Variants in BCDIN3D observed in about 807,000 individuals in gnomAD.
BCDIN3D encodes RNA 5'-monophosphate methyltransferase.
BCDIN3D carries 15 observed loss-of-function variants against 21.2 expected under a neutral mutation model. The ratio of observed to expected loss-of-function variants is 0.71; its 90% CI spans 0.47 to 1.09. The LOEUF is 1.09. Among genes scored for constraint, BCDIN3D ranks in the 50% least tolerant of loss-of-function variants. BCDIN3D has a pLI of 0.00. For missense variants in BCDIN3D, 331 were observed against 366.2 expected, an observed-to-expected ratio of 0.90 and a Z score of 0.79; for synonymous variants, 127 against 141.9, an observed-to-expected ratio of 0.90 and a Z score of 0.75.
At position 49,837,273 on chromosome 12, in the gene BCDIN3D, G is replaced by GTTTTTTTT. The variant is rs1465846977; in HGVS notation, c.*1090_*1097dup. On this transcript the variant is annotated 3_prime_UTR_variant, in exon 2 of 2. Transcript: ENST00000333924. ...GGGGACCATAAGCATGTAGGTAGTT[G>GTTTTTTTT]TTTTTTTTTTTGTTTTTTTTTTTTT... 95 of 122,758 alleles carry GTTTTTTTT rather than the reference G, an allele frequency of 7.7e-4. 3 individuals are homozygous for GTTTTTTTT. The highest frequency in any genetic ancestry group is 2.7e-3 in the African/African-American group (88 of 32,904). The allele number at this position is 122,758 out of a possible 1,614,324, so 7.6% of individuals were successfully genotyped here.
Position 49,842,899 on chromosome 12 carries a change from G to C in BCDIN3D, c.189C>G (p.Pro63=). The part of the protein sequence containing the change: ...ELLRQLFPES[P]ENGPILGLDV... ...CGAGCCCCAGAATCGGCCCGTTCTC[G>C]GGACTCTCAGGAAAGAGCTGTCGAA... The change falls in exon 1 of 2, where the codon CCC becomes CCG. Residue 63 remains proline, a synonymous_variant. Transcript: ENST00000333924. 6.2e-7 allele frequency: 1 copy of C among 1,613,244 alleles called. No homozygotes were observed. The highest frequency in any genetic ancestry group is 1.1e-5 in the South Asian group (1 of 91,028).
At chr12:49,839,130 G>A (rs553237402) in intron 1 of BCDIN3D, 115 bp from the exon 2 acceptor site, 2 of 1,259,808 alleles carry the variant, frequency 1.6e-6, no homozygotes, top group Non-Finnish European at 2.2e-6. Flanking sequence ...TAGGATGTGA[G>A]GTTCCTAAAC....
At chr12:49,839,826 T>TA (rs1280472564) in intron 1 of BCDIN3D, 1 of 152,310 alleles carries the variant, frequency 6.6e-6, no homozygotes, top group Non-Finnish European at 1.5e-5. Context: ...TAGCTGGGAT[T>TA]ACAGGCATGC....
chr12:49,842,675 T>C (rs1282200767), intron 1 of BCDIN3D, 179 bp downstream of exon 1: 1 of 619,642 alleles, frequency 1.6e-6, no homozygotes, highest in Non-Finnish European at 2.8e-6. Flanking sequence ...GAGAGATTCC[T>C]AAGACAGATG....
chr12:49,842,397 T>C (rs1223206425), intron 1 of BCDIN3D: 1 of 153,702 alleles, frequency 6.5e-6, no homozygotes, highest in Non-Finnish European at 1.4e-5. Flanking sequence ...TTTTTTGAAA[T>C]AAACATGCAG....
Position 49,838,883 on chromosome 12 carries a change from A to G in BCDIN3D, c.367T>C (p.Cys123Arg). The G allele has an allele frequency of 6.2e-7, 1 of 1,614,226 alleles. No individual in the cohort carries two copies. The highest frequency in any genetic ancestry group is 8.5e-7 in the Non-Finnish European group (1 of 1,180,034). The stretch of plus-strand genomic sequence containing the variant: ...AAAGTCAAGGCATCAGGAAAAGGAC[A>G]TTCTTTTTCGGCTCGCTTCACCAGG... ...PVLVKRAEKE[C>R]PFPDALTFIT... is the part of the protein sequence containing the mutation. The change falls in exon 2 of 2, where the codon TGT becomes CGT. Residue 123 changes from cysteine to arginine, a missense_variant. By Grantham distance (180) the Cys-to-Arg change is radical (BLOSUM62 -3). Coordinates refer to ENST00000333924, the MANE Select transcript of BCDIN3D (RefSeq NM_181708.3).
Position 49,838,625 on chromosome 12 carries a change from G to C in BCDIN3D, c.625C>G (p.Arg209Gly). The stretch of plus-strand genomic sequence containing the variant: ...TCATGGAGTCCCAGCTTTCGGAGAC[G>C]CCTTGCAGCTGCCCGGTAACACTTC... Reference protein sequence around the residue: ...PWKCYRAAARRLRKLGLHDFD... With the variant: ...PWKCYRAAARGLRKLGLHDFD... The change falls in exon 2 of 2, where the codon CGT (arginine) becomes GGT (glycine). Residue 209 changes from arginine to glycine, a missense_variant. Transcript: ENST00000333924. 6.2e-7 allele frequency: 1 copy of C among 1,613,856 alleles called. No individual in the cohort carries two copies. Among genetic ancestry groups the C allele is most frequent in the Non-Finnish European group, 8.5e-7 (1 of 1,179,756 alleles).
In BCDIN3D at chr12:49,836,326, A is replaced by C. The variant is rs550089899; in HGVS notation, c.*2045T>G. ...AGGGTATATTCTGATCATCCAGATT[A>C]ATCTCCCTATCTGAAGATCCTCAAT... On this transcript the variant is annotated 3_prime_UTR_variant, in exon 2 of 2. Transcript: ENST00000333924. 6.6e-6 allele frequency: 1 copy of C among 152,164 alleles called. No homozygotes were observed. Among genetic ancestry groups the C allele is most frequent in the Non-Finnish European group, 1.5e-5 (1 of 68,036 alleles). 9.4% of individuals were successfully genotyped at this position (152,164 alleles called of 1,614,324 possible). A position where few individuals can be genotyped will look rare whatever the true frequency, so the allele number is the denominator to read the frequency against.
At chr12:49,842,320 C>G (rs1287166456) in intron 1 of BCDIN3D, 2 of 152,706 alleles carry the variant, frequency 1.3e-5, no homozygotes, top group African/African-American at 4.8e-5. Context: ...ACCTTGTGAT[C>G]CACCCGCCTC....
chr12:49,837,240 A>ATG lies in BCDIN3D; in HGVS notation c.*1130_*1131insCA, dbSNP rs1158193221. ...TGGAACTGTGGATGTCGGGCTACCA[A>ATG]TATATTTGGGGACCATAAGCATGTA... is the stretch of plus-strand genomic sequence containing the variant. On this transcript the variant is annotated 3_prime_UTR_variant, in exon 2 of 2. Transcript: ENST00000333924. 3 of 150,112 alleles carry ATG rather than the reference A, an allele frequency of 2.0e-5. No homozygotes were observed. The highest frequency in any genetic ancestry group is 4.4e-5 in the Non-Finnish European group (3 of 67,646). The allele number at this position is 150,112 out of a possible 1,614,324, so 9.3% of individuals were successfully genotyped here.
Position 49,842,845 on chromosome 12 carries a change from G to A in BCDIN3D, c.234+9C>T. ...CTCCGGATGCTCCAATCCCTCCCCT[G>A]TCACTCACCCCGGAGTTACACCCCA... On this transcript the variant is annotated intron_variant, in intron 1 of 1. Coordinates refer to ENST00000333924, the MANE Select transcript of BCDIN3D (RefSeq NM_181708.3). 1 of 1,585,074 alleles carries A rather than the reference G, an allele frequency of 6.3e-7. No homozygotes were observed. Among genetic ancestry groups the A allele is most frequent in the East Asian group, 2.2e-5 (1 of 44,644 alleles).
At position 49,843,025 on chromosome 12, in the gene BCDIN3D, C is replaced by T. The variant is rs747775117; in HGVS notation, c.63G>A (p.Ser21=). The change falls in exon 1 of 2, where the codon TCG becomes TCA. Residue 21 remains serine (S), a synonymous_variant. Coordinates refer to ENST00000333924, the MANE Select transcript of BCDIN3D (RefSeq NM_181708.3). ...SVKETAAEEE[S]RVLAPGAAPF... is the part of the protein sequence containing the mutation. ...GGGCGGCGCCAGGTGCCAGAACTCG[C>T]GATTCCTCTTCCGCTGCGGTCTCCT... 6.2e-7 allele frequency: 1 copy of T among 1,614,218 alleles called. No homozygotes were observed. Among genetic ancestry groups the T allele is most frequent in the Admixed American group, 1.7e-5 (1 of 60,026 alleles).
rs1385469928 is a variant in BCDIN3D at position 49,838,392 on chromosome 12, T to A, written c.858A>T (p.Arg286Ser). Residue 286 changes from arginine to serine, a missense_variant, in exon 2 of 2, where the codon AGA (arginine) becomes AGT (serine). Physicochemically the swap from Arg to Ser is moderately radical, Grantham distance 110. Coordinates refer to ENST00000333924, the MANE Select transcript of BCDIN3D (RefSeq NM_181708.3). ...CATCTCACTGCTTCTGGAAACTTAA[T>A]CTGTTCTTTTCTTTCCCTTTTTCTA... ...SLIEKGKEKNRLSFQKQ is the reference protein window; with the variant it reads ...SLIEKGKEKNSLSFQKQ The A allele has an allele frequency of 8.1e-6, 13 of 1,605,778 alleles. No homozygotes were observed. The highest frequency in any genetic ancestry group is 1.0e-5 in the Non-Finnish European group (12 of 1,179,656).
chr12:49,838,504 C>T lies in BCDIN3D; in HGVS notation c.746G>A (p.Cys249Tyr). ...TQDHGMELICCFGNTSWDRSL... is the reference protein window; with the variant it reads ...TQDHGMELICYFGNTSWDRSL... ...TCTGTCCCAACTGGTGTTGCCAAAG[C>T]AACATATTAATTCCATGCCATGATC... Residue 249 changes from cysteine (C) to tyrosine (Y), a missense_variant, in exon 2 of 2, where the codon TGC becomes TAC. Cys to Tyr is a radical substitution (Grantham distance 194). Transcript: ENST00000333924. The T allele has an allele frequency of 1.2e-6, 2 of 1,614,118 alleles. No individual in the cohort carries two copies. The highest frequency in any genetic ancestry group is 1.7e-6 in the Non-Finnish European group (2 of 1,180,026).
rs1228678920 is a variant in BCDIN3D at position 49,838,724 on chromosome 12, C to T, written c.526G>A (p.Asp176Asn). The T allele has an allele frequency of 1.2e-6, 2 of 1,614,178 alleles. No homozygotes were observed. Among genetic ancestry groups the T allele is most frequent in the East Asian group, 2.2e-5 (1 of 44,884 alleles). ...ITMWIHLNHGDHGLWEFLAHL... is the reference protein window; with the variant it reads ...ITMWIHLNHGNHGLWEFLAHL... ...GCCAGGAACTCCCATAGGCCATGGT[C>T]TCCATGATTCAGATGAATCCACATG... Residue 176 changes from aspartate (D) to asparagine (N), a missense_variant, in exon 2 of 2, where the codon GAC (aspartate) becomes AAC (asparagine). Coordinates refer to ENST00000333924, the MANE Select transcript of BCDIN3D (RefSeq NM_181708.3).
chr12:49,838,213 A>G lies in BCDIN3D; in HGVS notation c.*158T>C, dbSNP rs1397605574. 3 of 691,972 alleles carry G rather than the reference A, an allele frequency of 4.3e-6. No homozygotes were observed. The highest frequency in any genetic ancestry group is 7.2e-6 in the Non-Finnish European group (3 of 417,456). The allele number at this position is 691,972 out of a possible 1,614,324, so 42.9% of individuals were successfully genotyped here. A position where few individuals can be genotyped will look rare whatever the true frequency, so the allele number is the denominator to read the frequency against. On this transcript the variant is annotated 3_prime_UTR_variant, in exon 2 of 2. Coordinates refer to ENST00000333924, the MANE Select transcript of BCDIN3D (RefSeq NM_181708.3). The stretch of plus-strand genomic sequence containing the variant: ...CAAGATTTGTTCCAAACAATGGGGA[A>G]CAGATACTGATTCTTTCAATTATGT...
chr12:49,841,302 G>A (rs1946551591), intron 1 of BCDIN3D, among the ~76,000 whole-genome samples: 1 of 152,134 alleles, frequency 6.6e-6, no homozygotes, highest in Admixed American at 6.5e-5. Flanking sequence ...TGGGAGTAGA[G>A]ACTTACTTTT....
In BCDIN3D at chr12:49,838,886, CT is replaced by C; in HGVS notation, c.363del (p.Glu122AsnfsTer8). On this transcript the variant is annotated frameshift_variant, in exon 2 of 2. Coordinates refer to ENST00000333924, the MANE Select transcript of BCDIN3D (RefSeq NM_181708.3). LOFTEE classifies it high-confidence loss of function. ...IDPVLVKRAE[K>X]ECPFPDALTF... Reference sequence around the variant, plus strand: ...GTCAAGGCATCAGGAAAAGGACATTCTTTTTCGGCTCGCTTCACCAGGACTG... The same window carrying C: ...GTCAAGGCATCAGGAAAAGGACATTCTTTTCGGCTCGCTTCACCAGGACTG... 6.2e-7 allele frequency: 1 copy of C among 1,614,204 alleles called. No homozygotes were observed. Among genetic ancestry groups the C allele is most frequent in the Non-Finnish European group, 8.5e-7 (1 of 1,180,038 alleles).
Position 49,838,393 on chromosome 12 carries a change from CT to C in BCDIN3D, c.856del (p.Arg286AspfsTer2). On this transcript the variant is annotated frameshift_variant, in exon 2 of 2. Transcript: ENST00000333924. LOFTEE classifies it high-confidence loss of function. ...SLIEKGKEKN[R>X]LSFQKQ is the part of the protein sequence containing the mutation. Reference sequence around the variant, plus strand: ...ATCTCACTGCTTCTGGAAACTTAATCTGTTCTTTTCTTTCCCTTTTTCTATC... The same window carrying C: ...ATCTCACTGCTTCTGGAAACTTAATCGTTCTTTTCTTTCCCTTTTTCTATC... The C allele has an allele frequency of 6.2e-7, 1 of 1,605,868 alleles. No individual in the cohort carries two copies. Among genetic ancestry groups the C allele is most frequent in the South Asian group, 1.1e-5 (1 of 90,970 alleles).
Sources: gnomAD v4.1 joint callset for allele counts (sites outside exome capture counted in the v4.1 genomes callset) on GRCh38, gnomAD v4.1.1 for gene constraint, MANE v1.5 for transcripts, NCBI Gene and HGNC (gene_info 2026-07-23, HGNC 2026-07-21) for gene names.